Variants in PTPRN2 observed in about 807,000 individuals in gnomAD.
PTPRN2 encodes the protein protein tyrosine phosphatase receptor type N2, also known as receptor-type tyrosine-protein phosphatase N2.
PTPRN2 carries 74 observed loss-of-function variants against 118.8 expected under a neutral mutation model. The ratio of observed to expected loss-of-function variants is 0.62; its 90% confidence interval spans 0.52 to 0.76. The LOEUF (loss-of-function observed/expected upper bound fraction) is 0.76. PTPRN2 is among the 30% of genes least tolerant of loss of function. PTPRN2 has a pLI of 0.00. For missense variants in PTPRN2, 1,481 were observed against 1,394.4 expected (o/e 1.06, Z -0.99); for synonymous variants, 641 against 608.0 (o/e 1.05, Z -0.80).
intron 3 of PTPRN2, among the ~76,000 whole-genome samples, chr7:158,276,826 G>A (rs913306158): frequency 2.4e-4 from 36 of 152,310 alleles, no homozygotes; most frequent in Admixed American, 6.5e-4. Context: ...CCAGGTGTGC[G>A]GGCGGCCTCC....
intron 12 of PTPRN2, among the ~76,000 whole-genome samples, chr7:157,885,033 A>C (rs1169259136): frequency 6.6e-6 from 1 of 151,922 alleles, no homozygotes; most frequent in Non-Finnish European, 1.5e-5. Context: ...ATCTCTTGTG[A>C]ATCGGTTTTT....
chr7:157,728,856 C>T (rs1327315409), intron 12 of PTPRN2, among the ~76,000 whole-genome samples: 2 of 152,204 alleles, frequency 1.3e-5, no homozygotes, highest in African/African-American at 2.4e-5. Context: ...TTCCATGAGC[C>T]CCACTGAGCC....
At chr7:158,110,272 TGTC>T (rs1816115584) in intron 10 of PTPRN2, among the ~76,000 whole-genome samples, 1 of 152,228 alleles carries the variant, frequency 6.6e-6, no homozygotes, top group Admixed American at 6.5e-5. Context: ...CTCAAGCACT[TGTC>T]GTGAGACAGG....
At chr7:158,259,315 G>A (rs927586674) in intron 3 of PTPRN2, among the ~76,000 whole-genome samples, 2 of 152,198 alleles carry the variant, frequency 1.3e-5, no homozygotes, top group African/African-American at 4.8e-5. Flanking sequence ...ACACGGAGAA[G>A]AGCCAGGGAA....
intron 3 of PTPRN2, among the ~76,000 whole-genome samples, chr7:158,270,444 G>T (rs1387793898): frequency 1.3e-5 from 2 of 152,122 alleles, no homozygotes; most frequent in African/African-American, 4.8e-5. Context: ...TACCTTCACA[G>T]AGGGTGATCC....
rs778241529 is a variant in PTPRN2 at position 157,990,242 on chromosome 7, C to T, written c.1723+91056G>A. On this transcript the variant is annotated intron_variant, in intron 11 of 22. Transcript: ENST00000389418. This position sits in a 1 kb window ranked among gnomAD's most constrained non-coding sequence, Gnocchi z 4.3. Reference sequence around the variant, plus strand: ...GCGCCACCGGGGAAGACCGGGCACTCGTGGAGTTCAACAGATCATAAGCAG... The same window carrying T: ...GCGCCACCGGGGAAGACCGGGCACTTGTGGAGTTCAACAGATCATAAGCAG... 1.4e-4 allele frequency among the ~76,000 whole-genome samples: 22 copies of T among 151,986 alleles called. No individual in the cohort carries two copies. The highest frequency in any genetic ancestry group is 2.5e-4 in the Non-Finnish European group (17 of 68,020).
In PTPRN2 at chr7:158,126,099, CCA is replaced by C. The variant is rs1312828554; in HGVS notation, c.1556+7576_1556+7577del. Among the ~76,000 whole-genome samples, 170 of 123,868 alleles carry C rather than the reference CCA, an allele frequency of 1.4e-3. 1 individual carries two copies. The highest frequency in any genetic ancestry group is 5.0e-3 in the African/African-American group (150 of 29,858). 81.3% of individuals were successfully genotyped at this position (123,868 alleles called of 152,430 possible). ...AACTTCCTCTCCGCCACACCAGCCC[CCA>C]GGACAGCGGGCGGCGGAACTTCCTC... On this transcript the variant is annotated intron_variant, in intron 9 of 22. Coordinates refer to ENST00000389418, the MANE Select transcript of PTPRN2 (RefSeq NM_002847.5).
At chr7:158,224,089 A>G (rs1389813067) in intron 3 of PTPRN2, among the ~76,000 whole-genome samples, 1 of 152,212 alleles carries the variant, frequency 6.6e-6, no homozygotes, top group East Asian at 1.9e-4. Flanking sequence ...AACACAAACA[A>G]TGGTGATGAA....
intron 11 of PTPRN2, among the ~76,000 whole-genome samples, chr7:158,054,263 C>T (rs1809612155): frequency 6.6e-6 from 1 of 152,176 alleles, no homozygotes; most frequent in African/African-American, 2.4e-5. Flanking sequence ...CCGAAATTTT[C>T]CCATGCGTGG....
At chr7:157,703,315 G>A (rs914134440) in intron 12 of PTPRN2, among the ~76,000 whole-genome samples, 1 of 152,218 alleles carries the variant, frequency 6.6e-6, no homozygotes, top group African/African-American at 2.4e-5. Flanking sequence ...CTGCTGCCAG[G>A]TGGTGGCGGC....
chr7:157,657,109 C>A (rs1192630154), intron 13 of PTPRN2, among the ~76,000 whole-genome samples: 3 of 114,320 alleles, frequency 2.6e-5, no homozygotes, highest in Admixed American at 9.0e-5. Context: ...ACACACACAC[C>A]ACACACATCA....
Position 157,944,671 on chromosome 7 carries a change from C to T in PTPRN2, c.1724-45934G>A, listed in dbSNP as rs1800358037. ...GAACACCAAAATAGAGGCAAAAGTC[C>T]TGAGAAGGGAGTTGTTTTTAGTCAC... On this transcript the variant is annotated intron_variant, in intron 11 of 22. Coordinates refer to ENST00000389418, the MANE Select transcript of PTPRN2 (RefSeq NM_002847.5). The surrounding 1 kb of genome is among the most constrained non-coding windows in gnomAD (Gnocchi z 4.3). Among the ~76,000 whole-genome samples the T allele has an allele frequency of 6.6e-6, 1 of 152,186 alleles. No homozygotes were observed. The highest frequency in any genetic ancestry group is 2.4e-5 in the African/African-American group (1 of 41,454).
chr7:157,915,655 A>G (rs574022612), intron 11 of PTPRN2, among the ~76,000 whole-genome samples: 8 of 152,142 alleles, frequency 5.3e-5, no homozygotes, highest in African/African-American at 1.7e-4. Context: ...CCTGCCCTCT[A>G]TAGACCACAA....
At chr7:157,899,282 T>A (rs1441351287) in intron 11 of PTPRN2, among the ~76,000 whole-genome samples, 1 of 152,172 alleles carries the variant, frequency 6.6e-6, no homozygotes, top group Non-Finnish European at 1.5e-5. Context: ...GGTTTTCTCC[T>A]GATGTAGAAT....
At chr7:158,128,455 C>T (rs1355381795) in intron 9 of PTPRN2, among the ~76,000 whole-genome samples, 1 of 152,046 alleles carries the variant, frequency 6.6e-6, no homozygotes, top group Non-Finnish European at 1.5e-5. Flanking sequence ...GGTAAATATT[C>T]CAGTCCAAAA....
chr7:158,188,595 G>GT (rs1206878300), intron 5 of PTPRN2, among the ~76,000 whole-genome samples: 7 of 74,098 alleles, frequency 9.4e-5, no homozygotes, highest in Non-Finnish European at 1.8e-4. Flanking sequence ...CTCGCCCCCT[G>GT]ATGGGGAAGC....
intron 11 of PTPRN2, among the ~76,000 whole-genome samples, chr7:157,988,300 G>GTC (rs932706747): frequency 6.6e-6 from 1 of 150,870 alleles, no homozygotes; most frequent in East Asian, 2.0e-4. Flanking sequence ...TGCAGTCTCT[G>GTC]TCTCTCTCTC....
chr7:157,597,404 C>T (rs1801404890), intron 16 of PTPRN2, among the ~76,000 whole-genome samples: 1 of 151,800 alleles, frequency 6.6e-6, no homozygotes, highest in South Asian at 2.1e-4. Flanking sequence ...CAGCTATTTA[C>T]AGAGACCCCT....
At chr7:157,839,862 T>C (rs1808246721) in intron 12 of PTPRN2, among the ~76,000 whole-genome samples, 1 of 151,340 alleles carries the variant, frequency 6.6e-6, no homozygotes. Flanking sequence ...TGTGTGACTG[T>C]GTGACCGTGT....
Sources: allele counts gnomAD v4.1 joint callset (sites outside exome capture counted in the v4.1 genomes callset), GRCh38; gene constraint gnomAD v4.1.1; non-coding constraint Gnocchi (gnomAD v3.1); transcripts MANE v1.5; gene names NCBI Gene and HGNC (gene_info 2026-07-23, HGNC 2026-07-21).